PPRC1: variants seen among roughly 807,000 people sequenced by gnomAD.
The protein encoded by PPRC1 is peroxisome proliferator-activated receptor gamma coactivator-related protein 1.
PPRC1 carries 23 observed loss-of-function variants against 132.5 expected under a neutral mutation model. The ratio of observed to expected loss-of-function variants is 0.17; its 90% CI spans 0.12 to 0.25. The LOEUF is 0.25. Among genes scored for constraint, PPRC1 ranks in the 10% least tolerant of loss-of-function variants. The pLI is 1.00. For synonymous variants in PPRC1, 872 were observed against 833.5 expected (o/e 1.05, Z -0.80); for missense variants, 2,006 against 2,089.1 (o/e 0.96, Z 0.78).
At chr10:102,144,949 T>G (rs1411611537) in intron 7 of PPRC1, 71 bp from the exon 8 acceptor site, 1 of 1,343,186 alleles carries the variant, frequency 7.4e-7, no homozygotes, top group Admixed American at 2.0e-5. Flanking sequence ...CCCATTGATT[T>G]CTGAGAAAGG....
intron 7 of PPRC1, 185 bp from the exon 8 acceptor site, chr10:102,144,835 T>C (rs2069149588): frequency 1.7e-6 from 1 of 595,738 alleles, no homozygotes; most frequent in South Asian, 2.1e-5. Context: ...TGGGCAGGGC[T>C]CAGTTGAGAT....
chr10:102,137,994 G>T lies in PPRC1; in HGVS notation c.298G>T (p.Ala100Ser). 1 of 1,614,090 alleles carries T rather than the reference G, an allele frequency of 6.2e-7. No individual in the cohort carries two copies. Among genetic ancestry groups the T allele is most frequent in the South Asian group, 1.1e-5 (1 of 91,070 alleles). The change falls in exon 2 of 14, where the codon GCC (alanine) becomes TCC (serine). Residue 100 changes from alanine (A) to serine (S), a missense_variant. Physicochemically the swap from Ala to Ser is moderately conservative, Grantham distance 99. Coordinates refer to ENST00000278070, the MANE Select transcript of PPRC1 (RefSeq NM_015062.5). Reference sequence around the variant, plus strand: ...GGGGACCATGCAGAGCTACATGGATGCCTCCCTTATCTCCCTCATTGAGGA... The same window carrying T: ...GGGGACCATGCAGAGCTACATGGATTCCTCCCTTATCTCCCTCATTGAGGA... ...LLGTMQSYMDASLISLIEDFG... is the reference protein window; with the variant it reads ...LLGTMQSYMDSSLISLIEDFG...
upstream of PPRC1, among the ~76,000 whole-genome samples, chr10:102,132,585 C>T (rs1168383776): frequency 6.6e-6 from 1 of 152,202 alleles, no homozygotes; most frequent in East Asian, 1.9e-4. Flanking sequence ...AGTACTGCCG[C>T]AATATGGGAT....
upstream of PPRC1, among the ~76,000 whole-genome samples, chr10:102,128,215 C>G (rs1263600379): frequency 6.6e-6 from 1 of 152,028 alleles, no homozygotes; most frequent in Non-Finnish European, 1.5e-5. Context: ...TCTCAGCTCA[C>G]TGCAACCTCC....
rs1488553351 is a variant in PPRC1 at position 102,140,105 on chromosome 10, G to C, written c.1597G>C (p.Glu533Gln). ...AWARAWAAAL[E>Q]NSSPKNLERS... is the part of the protein sequence containing the mutation. ...GGCTCGGGCCTGGGCAGCTGCCTTG[G>C]AGAATTCTAGCCCTAAGAACTTGGA... is the stretch of plus-strand genomic sequence containing the variant. The change falls in exon 5 of 14, where the codon GAG (glutamate) becomes CAG (glutamine). Residue 533 changes from glutamate to glutamine, a missense_variant. Coordinates refer to ENST00000278070, the MANE Select transcript of PPRC1 (RefSeq NM_015062.5). 1 of 1,614,244 alleles carries C rather than the reference G, an allele frequency of 6.2e-7. No homozygotes were observed. Among genetic ancestry groups the C allele is most frequent in the Non-Finnish European group, 8.5e-7 (1 of 1,180,036 alleles).
At chr10:102,122,675 C>T in the PPRC1 span, among the ~76,000 whole-genome samples, 5 of 152,082 alleles carry the variant, frequency 3.3e-5, no homozygotes, top group Non-Finnish European at 5.9e-5. Context: ...TCCATGCTGA[C>T]CAACACAATG....
Position 102,141,951 on chromosome 10 carries a change from C to A in PPRC1, c.3443C>A (p.Thr1148Asn). Residue 1148 changes from threonine to asparagine, a missense_variant, in exon 5 of 14, where the codon ACC becomes AAC. Around this residue, in one of 2 missense-constraint regions of PPRC1, gnomAD observed 1,914 missense variants for 1,917.2 expected, o/e 1.00. Coordinates refer to ENST00000278070, the MANE Select transcript of PPRC1 (RefSeq NM_015062.5). ...ARLRKLSFLP[T>N]PRTQGSEDVV... ...CTAAGGAAGCTGTCCTTCCTGCCTACCCCACGTACTCAGGGTTCTGAAGAT... is the reference window on the plus strand; with the variant it reads ...CTAAGGAAGCTGTCCTTCCTGCCTAACCCACGTACTCAGGGTTCTGAAGAT... The A allele has an allele frequency of 6.2e-7, 1 of 1,613,974 alleles. No individual in the cohort carries two copies.
chr10:102,140,913 C>T lies in PPRC1; in HGVS notation c.2405C>T (p.Ala802Val), dbSNP rs1360035570. 2.5e-6 allele frequency: 4 copies of T among 1,614,054 alleles called. No individual in the cohort carries two copies. Among genetic ancestry groups the T allele is most frequent in the Non-Finnish European group, 3.4e-6 (4 of 1,180,008 alleles). ...TGTCTTGTCATCCCACCAGCCCCAGCCAAGAAGACAGCTCTGCAGAGAAGC... is the reference window on the plus strand; with the variant it reads ...TGTCTTGTCATCCCACCAGCCCCAGTCAAGAAGACAGCTCTGCAGAGAAGC... ...IPCLVIPPAP[A>V]KKTALQRSPE... The change falls in exon 5 of 14, where the codon GCC becomes GTC. Residue 802 changes from alanine (A) to valine (V), a missense_variant. Ala to Val is a moderately conservative substitution (Grantham distance 64). Around this residue, in one of 2 missense-constraint regions of PPRC1, gnomAD observed 1,914 missense variants for 1,917.2 expected, o/e 1.00. Transcript: ENST00000278070.
At position 102,145,031 on chromosome 10, in the gene PPRC1, T is replaced by C; in HGVS notation, c.3620T>C (p.Ile1207Thr). 6.2e-7 allele frequency: 1 copy of C among 1,605,434 alleles called. No individual in the cohort carries two copies. The highest frequency in any genetic ancestry group is 8.5e-7 in the Non-Finnish European group (1 of 1,174,638). ...TCCCCCCCCGCCAGCGGCGTTGACATTCCCCAGGAGAAGAGGCCCCTAGAC... is the reference window on the plus strand; with the variant it reads ...TCCCCCCCCGCCAGCGGCGTTGACACTCCCCAGGAGAAGAGGCCCCTAGAC... ...LAVGNSGGVD[I>T]PQEKRPLDRL... The change falls in exon 8 of 14, where the codon ATT becomes ACT. Residue 1207 changes from isoleucine (I) to threonine (T), a missense_variant. Ile to Thr is a moderately conservative substitution (Grantham distance 89, BLOSUM62 -1). Transcript: ENST00000278070.
At position 102,133,060 on chromosome 10, in the gene PPRC1, G is replaced by A. The variant is rs997561064; in HGVS notation, c.-9G>A. The A allele has an allele frequency of 2.4e-6, 3 of 1,241,030 alleles. No homozygotes were observed. The highest frequency in any genetic ancestry group is 3.0e-6 in the Non-Finnish European group (3 of 987,946). 76.9% of individuals were successfully genotyped at this position (1,241,030 alleles called of 1,614,324 possible). A position where few individuals can be genotyped will look rare whatever the true frequency, so the allele number is the denominator to read the frequency against. ...CGATCAGAGCAGCGCTGGGTGTTCA[G>A]GGGCCAAGATGGCGGCGCGCCGGGG... On this transcript the variant is annotated 5_prime_UTR_variant, in exon 1 of 14. Transcript: ENST00000278070.
chr10:102,122,272 A>C, the PPRC1 span, among the ~76,000 whole-genome samples: 1 of 152,160 alleles, frequency 6.6e-6, no homozygotes, highest in Admixed American at 6.5e-5. Flanking sequence ...GAAATTGTGG[A>C]TACCTAGGTT....
chr10:102,129,461 C>T (rs2068510348), upstream of PPRC1, among the ~76,000 whole-genome samples: 1 of 152,142 alleles, frequency 6.6e-6, no homozygotes, highest in Non-Finnish European at 1.5e-5. Flanking sequence ...TTTATGGAGA[C>T]ACCAGACTTA....
At chr10:102,147,635 T>C (rs999376939) in intron 9 of PPRC1, among the ~76,000 whole-genome samples, 3 of 152,174 alleles carry the variant, frequency 2.0e-5, no homozygotes, top group Non-Finnish European at 2.9e-5. Context: ...AGACCTGCCT[T>C]GGGGAGACTT....
At chr10:102,128,697 CT>C (rs1418903867), upstream of PPRC1, among the ~76,000 whole-genome samples, 1 of 150,378 alleles carries the variant, frequency 6.6e-6, no homozygotes, top group Admixed American at 6.7e-5. Flanking sequence ...ACTGCAAGCT[CT>C]GCCTCCTGGG....
the PPRC1 span, chr10:102,120,471 GCCGGCGCCGGCTCCCC>G: frequency 1.2e-6 from 1 of 835,374 alleles, no homozygotes; most frequent in Non-Finnish European, 1.4e-6. Context: ...GCTCCCTCGC[GCCGGCGCCGGCTCCCC>G]AGCCCAAGCC....
chr10:102,120,716 G>A, the PPRC1 span, among the ~76,000 whole-genome samples: 4 of 152,172 alleles, frequency 2.6e-5, no homozygotes, highest in African/African-American at 7.2e-5. Context: ...GAGGGCGAAG[G>A]GGAGGGCTTG....
chr10:102,147,091 G>A lies in PPRC1; in HGVS notation c.4099G>A (p.Ala1367Thr), dbSNP rs2133715704. ...TAGCAGTGAGCAGGCAGATCCCTCA[G>A]CACCCTGCCTTGCCCCATCCAGCTT... is the stretch of plus-strand genomic sequence containing the variant. ...RTSSEQADPSAPCLAPSSLLS... is the reference protein window; with the variant it reads ...RTSSEQADPSTPCLAPSSLLS... Residue 1367 changes from alanine to threonine, a missense_variant, in exon 9 of 14, where the codon GCA becomes ACA. Physicochemically the swap from Ala to Thr is moderately conservative, Grantham distance 58. Around this residue, in one of 2 missense-constraint regions of PPRC1, gnomAD observed 1,914 missense variants for 1,917.2 expected, o/e 1.00. Transcript: ENST00000278070. 6.2e-7 allele frequency: 1 copy of A among 1,614,148 alleles called. No individual in the cohort carries two copies. The highest frequency in any genetic ancestry group is 8.5e-7 in the Non-Finnish European group (1 of 1,180,024).
rs751477253 is a variant in PPRC1, at chr10:102,147,307, G to A, written c.4315G>A (p.Glu1439Lys). The change falls in exon 9 of 14, where the codon GAA becomes AAA. Residue 1439 changes from glutamate to lysine, a missense_variant. Physicochemically the swap from Glu to Lys is moderately conservative, Grantham distance 56. Transcript: ENST00000278070. Reference protein sequence around the residue: ...SVSSGSNRTSEASSSSSSSSS... With the variant: ...SVSSGSNRTSKASSSSSSSSS... Reference sequence around the variant, plus strand: ...CAGCTCTGGGTCCAACCGGACTAGCGAAGCATCTTCCTCATCCTCATCATC... The same window carrying A: ...CAGCTCTGGGTCCAACCGGACTAGCAAAGCATCTTCCTCATCCTCATCATC... The A allele has an allele frequency of 2.5e-5, 40 of 1,612,490 alleles. No homozygotes were observed. The highest frequency in any genetic ancestry group is 1.6e-4 in the Middle Eastern group (1 of 6,084).
In PPRC1 at chr10:102,144,403, C is replaced by A. The variant is rs759755206; in HGVS notation, c.3608+96C>A. On this transcript the variant is annotated intron_variant, in intron 7 of 13. Coordinates refer to ENST00000278070, the MANE Select transcript of PPRC1 (RefSeq NM_015062.5). ...CAACTGGATGCCTCTGTTGCAGGGA[C>A]GCTGTAGTCAGCTCTAGAGTCTTTC... The A allele has an allele frequency of 3.4e-6, 4 of 1,188,092 alleles. No homozygotes were observed. The South Asian group carries it at 5.2e-5, about 15-fold the overall frequency. The allele number at this position is 1,188,092 out of a possible 1,614,324, so 73.6% of individuals were successfully genotyped here. A position where few individuals can be genotyped will look rare whatever the true frequency, so the allele number is the denominator to read the frequency against.
Sources: gnomAD v4.1 joint callset for allele counts (sites outside exome capture counted in the v4.1 genomes callset) on GRCh38, gnomAD v4.1.1 for gene constraint, gnomAD v4.1.1 regional missense constraint, MANE v1.5 for transcripts, NCBI Gene and HGNC (gene_info 2026-07-23, HGNC 2026-07-21) for gene names.